Variants in ADPRHL1 observed in about 807,000 individuals in gnomAD.
ADPRHL1 encodes the protein inactive ADP-ribosyltransferase ARH2.
Under a neutral mutation model 44.1 loss-of-function variants are expected in ADPRHL1, and 43 were observed. That is an observed-to-expected ratio of 0.98 (90% CI 0.76 to 1.26). The LOEUF (loss-of-function observed/expected upper bound fraction) is 1.26, where lower values mean the gene tolerates loss of function less well. ADPRHL1 is among the 50% of genes most tolerant of loss of function. The pLI is 0.00. For synonymous variants in ADPRHL1, 878 were observed against 1,017.4 expected (o/e 0.86, Z 2.61); for missense variants, 2,022 against 2,496.9 (o/e 0.81, Z 4.05).
chr13:113,421,204 C>A (rs113319225), intron 7 of ADPRHL1, among the ~76,000 whole-genome samples: 1 of 138,796 alleles, frequency 7.2e-6, no homozygotes, highest in Non-Finnish European at 1.6e-5. Context: ...CCCCTACCCC[C>A]GGGACACGCC....
Position 113,419,363 on chromosome 13 carries a change from C to T in ADPRHL1, c.1061+3463G>A, listed in dbSNP as rs113073316. Among the ~76,000 whole-genome samples the T allele has an allele frequency of 3.3e-3, 490 of 150,504 alleles. 4 individuals are homozygous for T. Among genetic ancestry groups the T allele is most frequent in the African/African-American group, 0.011 (463 of 40,822 alleles). ...AACTCCTAAGCTCAAGCGATCCTCC[C>T]GCCTCAGCCTCCCAAAGTGCTGGGA... is the stretch of plus-strand genomic sequence containing the variant. On this transcript the variant is annotated intron_variant, in intron 7 of 7. Coordinates refer to ENST00000612156, the MANE Select transcript of ADPRHL1 (RefSeq NM_001394807.1).
At position 113,407,791 on chromosome 13, in the gene ADPRHL1, G is replaced by T; in HGVS notation, c.1491C>A (p.Ala497=). ...LSEKPRWGHP[A]GKSTVKNILK... is the part of the protein sequence containing the mutation. ...GGATGTTTTTCACGGTGCTCTTCCC[G>T]GCCGGGTGGCCCCAGCGGGGCTTCT... The change falls in exon 8 of 8, where the codon GCC becomes GCA. Residue 497 remains alanine (A), a synonymous_variant. Coordinates refer to ENST00000612156, the MANE Select transcript of ADPRHL1 (RefSeq NM_001394807.1). The T allele has an allele frequency of 1.6e-6, 2 of 1,232,044 alleles. No individual in the cohort carries two copies. The highest frequency in any genetic ancestry group is 2.0e-6 in the Non-Finnish European group (2 of 988,038). 76.3% of individuals were successfully genotyped at this position (1,232,044 alleles called of 1,614,324 possible).
In ADPRHL1 at chr13:113,453,101, T is replaced by A. The variant is rs1253954765; in HGVS notation, c.214+123A>T. 9.9e-7 allele frequency: 1 copy of A among 1,006,128 alleles called. No homozygotes were observed. Among genetic ancestry groups the A allele is most frequent in the African/African-American group, 1.6e-5 (1 of 62,262 alleles). 62.3% of individuals were successfully genotyped at this position (1,006,128 alleles called of 1,614,324 possible). A position where few individuals can be genotyped will look rare whatever the true frequency, so the allele number is the denominator to read the frequency against. On this transcript the variant is annotated intron_variant, in intron 1 of 7. Transcript: ENST00000612156. This position sits in a 1 kb window ranked among gnomAD's most constrained non-coding sequence, Gnocchi z 5.4. Reference sequence around the variant, plus strand: ...TAAATTGCCACTTTTAGCAGCGGTATCAGGTAACACCATCCGCTGAAGGAC... The same window carrying A: ...TAAATTGCCACTTTTAGCAGCGGTAACAGGTAACACCATCCGCTGAAGGAC...
intron 2 of ADPRHL1, among the ~76,000 whole-genome samples, chr13:113,437,776 T>C (rs1465829535): frequency 6.6e-6 from 1 of 152,238 alleles, no homozygotes; most frequent in Non-Finnish European, 1.5e-5. Flanking sequence ...ACAGAGGCTC[T>C]CTTCTCTTGG....
intron 7 of ADPRHL1, among the ~76,000 whole-genome samples, chr13:113,410,582 C>A (rs1412489162): frequency 6.6e-6 from 1 of 152,234 alleles, no homozygotes; most frequent in African/African-American, 2.4e-5. Flanking sequence ...CGTCCTGCTG[C>A]CAGGCACGCC....
chr13:113,414,975 G>A (rs2043879812), intron 7 of ADPRHL1, among the ~76,000 whole-genome samples: 1 of 152,132 alleles, frequency 6.6e-6, no homozygotes, highest in African/African-American at 2.4e-5. Flanking sequence ...GCCCAGCTCA[G>A]CCTCTTCTGT....
At chr13:113,424,401 G>A (rs760737230) in intron 5 of ADPRHL1, 52 bp from the exon 6 acceptor site, 1 of 1,606,632 alleles carries the variant, frequency 6.2e-7, no homozygotes, top group South Asian at 1.1e-5. Context: ...GCCACTTCTG[G>A]GTATATTACA....
chr13:113,449,467 G>A (rs560858457), intron 1 of ADPRHL1, among the ~76,000 whole-genome samples: 41 of 151,090 alleles, frequency 2.7e-4, no homozygotes, highest in Middle Eastern at 3.5e-3. Flanking sequence ...AGACACACCC[G>A]GAAGGAGGCA....
rs2044191774 is a variant in ADPRHL1, at chr13:113,453,477, T to A, written c.-40A>T. On this transcript the variant is annotated 5_prime_UTR_variant, in exon 1 of 8. Transcript: ENST00000612156. This position sits in a 1 kb window ranked among gnomAD's most constrained non-coding sequence, Gnocchi z 5.4. ...CCTCTTCCCCAACAGCTGCGGAGCGTCCTGGCCTTTGTCTCCTCCTCAGCC... is the reference window on the plus strand; with the variant it reads ...CCTCTTCCCCAACAGCTGCGGAGCGACCTGGCCTTTGTCTCCTCCTCAGCC... 1 of 1,601,402 alleles carries A rather than the reference T, an allele frequency of 6.2e-7. No individual in the cohort carries two copies. Among genetic ancestry groups the A allele is most frequent in the Non-Finnish European group, 8.5e-7 (1 of 1,172,484 alleles).
At chr13:113,432,363 C>T (rs1223556142) in intron 3 of ADPRHL1, among the ~76,000 whole-genome samples, 2 of 152,228 alleles carry the variant, frequency 1.3e-5, no homozygotes, top group Admixed American at 1.3e-4. Context: ...GATCCTCCTG[C>T]CTCTGCCTCC....
chr13:113,420,830 T>C (rs1285567517), intron 7 of ADPRHL1, among the ~76,000 whole-genome samples: 2 of 151,322 alleles, frequency 1.3e-5, no homozygotes, highest in African/African-American at 2.4e-5. Context: ...CGTGTCCCTA[T>C]CCCTGGGACA....
At chr13:113,418,174 T>C (rs1035407466) in intron 7 of ADPRHL1, among the ~76,000 whole-genome samples, 7 of 152,178 alleles carry the variant, frequency 4.6e-5, no homozygotes, top group African/African-American at 1.7e-4. Flanking sequence ...GGAGAAATAC[T>C]CAGACCCCCT....
chr13:113,433,604 T>C (rs1595549805), intron 3 of ADPRHL1, 138 bp downstream of exon 3: 2 of 1,402,216 alleles, frequency 1.4e-6, no homozygotes, highest in East Asian at 5.2e-5. Context: ...GGTCAGCTTC[T>C]GTCTCCTTTA....
intron 4 of ADPRHL1, among the ~76,000 whole-genome samples, chr13:113,428,639 C>T (rs2043983630): frequency 6.6e-6 from 1 of 152,264 alleles, no homozygotes; most frequent in South Asian, 2.1e-4. Context: ...CAGTGGCTGC[C>T]AGTCGCTTGG....
At position 113,407,716 on chromosome 13, in the gene ADPRHL1, T is replaced by C. The variant is rs984903187; in HGVS notation, c.1566A>G (p.Ala522=). The change falls in exon 8 of 8, where the codon GCA becomes GCG. Residue 522 remains alanine, a synonymous_variant. Coordinates refer to ENST00000612156, the MANE Select transcript of ADPRHL1 (RefSeq NM_001394807.1). ...GCCGCTCCACAGGGGGCTTCTCGCG[T>C]GCTTCTTTCTCCTTCGCCTCCTTCT... ...AEEKEAKEKE[A]REKPPVERPK... is the part of the protein sequence containing the mutation. The C allele has an allele frequency of 2.4e-6, 3 of 1,231,990 alleles. No homozygotes were observed. In the East Asian group the frequency reaches 9.5e-5, roughly 39 times the overall value. 76.3% of individuals were successfully genotyped at this position (1,231,990 alleles called of 1,614,324 possible). A position where few individuals can be genotyped will look rare whatever the true frequency, so the allele number is the denominator to read the frequency against.
chr13:113,450,797 G>A (rs2139656196), intron 1 of ADPRHL1, among the ~76,000 whole-genome samples: 1 of 152,306 alleles, frequency 6.6e-6, no homozygotes, highest in Non-Finnish European at 1.5e-5. Context: ...GTACAGGATG[G>A]AACATGAAGG....
At chr13:113,438,391 A>C (rs2044075677) in intron 2 of ADPRHL1, among the ~76,000 whole-genome samples, 1 of 152,066 alleles carries the variant, frequency 6.6e-6, no homozygotes, top group African/African-American at 2.4e-5. Context: ...CCCATGTTTT[A>C]TTCTTTTAAA....
At position 113,407,715 on chromosome 13, in the gene ADPRHL1, G is replaced by A. The variant is rs952202574; in HGVS notation, c.1567C>T (p.Arg523Cys). The A allele has an allele frequency of 2.1e-5, 26 of 1,232,002 alleles. No individual in the cohort carries two copies. In the Middle Eastern group the frequency reaches 2.2e-3, roughly 103 times the overall value. 76.3% of individuals were successfully genotyped at this position (1,232,002 alleles called of 1,614,324 possible). A position where few individuals can be genotyped will look rare whatever the true frequency, so the allele number is the denominator to read the frequency against. Reference sequence around the variant, plus strand: ...GGCCGCTCCACAGGGGGCTTCTCGCGTGCTTCTTTCTCCTTCGCCTCCTTC... The same window carrying A: ...GGCCGCTCCACAGGGGGCTTCTCGCATGCTTCTTTCTCCTTCGCCTCCTTC... Reference protein sequence around the residue: ...EEKEAKEKEAREKPPVERPKA... With the variant: ...EEKEAKEKEACEKPPVERPKA... Residue 523 changes from arginine to cysteine, a missense_variant, in exon 8 of 8, where the codon CGC becomes TGC. Around this residue, in one of 8 missense-constraint regions of ADPRHL1, gnomAD observed 1,221 missense variants for 1,517.8 expected, o/e 0.80. Transcript: ENST00000612156.
chr13:113,448,778 C>A (rs1194827493), intron 1 of ADPRHL1, among the ~76,000 whole-genome samples: 2 of 152,228 alleles, frequency 1.3e-5, no homozygotes, highest in East Asian at 3.9e-4. Context: ...GGGCCTGCAC[C>A]AACTTCCCAC....
Sources: allele counts gnomAD v4.1 joint callset (sites outside exome capture counted in the v4.1 genomes callset), GRCh38; gene constraint gnomAD v4.1.1; regional missense constraint gnomAD v4.1.1; non-coding constraint Gnocchi (gnomAD v3.1); transcripts MANE v1.5; gene names NCBI Gene and HGNC (gene_info 2026-07-23, HGNC 2026-07-21).